Variants in ZFAND3 observed in about 807,000 individuals in gnomAD.
The protein encoded by ZFAND3 is AN1-type zinc finger protein 3.
In ZFAND3, 10 loss-of-function variants were observed where a neutral mutation model predicts 29.6. That is an observed-to-expected ratio of 0.34 (90% confidence interval 0.21 to 0.57). The LOEUF is 0.57. Ranked by LOEUF, ZFAND3 falls within the 20% of genes least tolerant of loss-of-function variation. The pLI is 0.86. For synonymous variants in ZFAND3, 128 were observed against 112.6 expected, an observed-to-expected ratio of 1.14 and a Z score of -0.87; for missense variants, 230 against 304.5, an observed-to-expected ratio of 0.76 and a Z score of 1.82.
intron 5 of ZFAND3, among the ~76,000 whole-genome samples, chr6:38,119,891 A>G (rs779783197): frequency 6.6e-6 from 1 of 152,198 alleles, no homozygotes; most frequent in Non-Finnish European, 1.5e-5. Context: ...AATTGCCAAG[A>G]CACTTCATGG....
At chr6:37,900,029 A>G (rs1027756916) in intron 1 of ZFAND3, among the ~76,000 whole-genome samples, 2 of 152,180 alleles carry the variant, frequency 1.3e-5, no homozygotes, top group Admixed American at 1.3e-4. Context: ...AGATTGTTTT[A>G]TATCAGTATA....
chr6:37,840,103 A>AC (rs542983241), intron 1 of ZFAND3, among the ~76,000 whole-genome samples: 2 of 144,888 alleles, frequency 1.4e-5, no homozygotes, highest in East Asian at 2.0e-4. Flanking sequence ...TTGGTTATCT[A>AC]TTTTTTTTTT....
intron 2 of ZFAND3, among the ~76,000 whole-genome samples, chr6:38,010,786 A>T (rs775340224): frequency 1.3e-5 from 2 of 151,536 alleles, no homozygotes; most frequent in Non-Finnish European, 2.9e-5. Flanking sequence ...TTTTTAGTAG[A>T]GATGGGGTTT....
intron 3 of ZFAND3, among the ~76,000 whole-genome samples, chr6:38,071,911 C>G (rs1490237189): frequency 3.3e-5 from 5 of 152,084 alleles, no homozygotes; most frequent in Non-Finnish European, 7.4e-5. Context: ...TTTTAGAAAC[C>G]TACTTTATGT....
intron 4 of ZFAND3, among the ~76,000 whole-genome samples, chr6:38,087,518 AAC>A (rs904984175): frequency 6.6e-6 from 1 of 152,212 alleles, no homozygotes; most frequent in Non-Finnish European, 1.5e-5. Flanking sequence ...CGATCAAAAA[AAC>A]AGACAGAAGA....
At chr6:37,949,636 C>T (rs888892462) in intron 2 of ZFAND3, among the ~76,000 whole-genome samples, 9 of 152,050 alleles carry the variant, frequency 5.9e-5, no homozygotes, top group Non-Finnish European at 1.2e-4. Context: ...TCTTTGGGTT[C>T]GATTAATTTG....
At chr6:37,906,237 T>A (rs1765405055) in intron 1 of ZFAND3, among the ~76,000 whole-genome samples, 1 of 152,156 alleles carries the variant, frequency 6.6e-6, no homozygotes, top group Non-Finnish European at 1.5e-5. Context: ...GCCACTAATC[T>A]ATTTTTTGTC....
chr6:37,839,683 T>G lies in ZFAND3; in HGVS notation c.71+19667T>G, dbSNP rs1404770879. Among the ~76,000 whole-genome samples the G allele has an allele frequency of 2.0e-5, 3 of 151,638 alleles. No homozygotes were observed. In the East Asian group the frequency reaches 5.8e-4, roughly 29 times the overall value. ...GCGTGTGCCATTACACCTGGGTAAT[T>G]TTTGTATTTTTAGTAGAGACGGGGT... is the stretch of plus-strand genomic sequence containing the variant. On this transcript the variant is annotated intron_variant, in intron 1 of 5. Transcript: ENST00000287218.
At chr6:37,988,638 T>A (rs549714110) in intron 2 of ZFAND3, among the ~76,000 whole-genome samples, 1 of 152,370 alleles carries the variant, frequency 6.6e-6, no homozygotes, top group East Asian at 1.9e-4. Flanking sequence ...GAAGCCAGCC[T>A]CATTCTGAGT....
chr6:38,041,540 T>C (rs1763760459), intron 2 of ZFAND3, among the ~76,000 whole-genome samples: 1 of 151,662 alleles, frequency 6.6e-6, no homozygotes, highest in African/African-American at 2.4e-5. Flanking sequence ...ATTACTATTA[T>C]TGATGCTCAG....
At chr6:38,024,079 G>A (rs1763400982) in intron 2 of ZFAND3, among the ~76,000 whole-genome samples, 1 of 152,160 alleles carries the variant, frequency 6.6e-6, no homozygotes, top group Non-Finnish European at 1.5e-5. Context: ...TTGACCAACT[G>A]TAGAAATCAC....
intron 1 of ZFAND3, chr6:37,915,728 G>A (rs889230839): frequency 6.6e-6 from 1 of 152,180 alleles, no homozygotes; most frequent in African/African-American, 2.4e-5. Flanking sequence ...GGGAGGCTGC[G>A]TTTGCACTCT....
At chr6:37,877,804 A>G (rs1447368481) in intron 1 of ZFAND3, among the ~76,000 whole-genome samples, 1 of 152,054 alleles carries the variant, frequency 6.6e-6, no homozygotes, top group East Asian at 1.9e-4. Context: ...GGAGATGCGG[A>G]GAGAGAATGA....
At chr6:38,109,235 T>C (rs1193523525) in intron 4 of ZFAND3, among the ~76,000 whole-genome samples, 2 of 146,178 alleles carry the variant, frequency 1.4e-5, no homozygotes, top group African/African-American at 5.1e-5. Context: ...GAGGCTGGAG[T>C]GCAATGGCGC....
At chr6:37,902,688 A>G (rs558122457) in intron 1 of ZFAND3, among the ~76,000 whole-genome samples, 1 of 150,394 alleles carries the variant, frequency 6.6e-6, no homozygotes, top group East Asian at 2.0e-4. Flanking sequence ...AATTGAATGT[A>G]GACTTTTTCT....
intron 1 of ZFAND3, among the ~76,000 whole-genome samples, chr6:37,910,196 T>A (rs1285920473): frequency 6.6e-6 from 1 of 152,240 alleles, no homozygotes; most frequent in South Asian, 2.1e-4. Flanking sequence ...CTTACTAGCA[T>A]ATGAACCAAG....
At chr6:38,047,694 T>C (rs1167083985) in intron 2 of ZFAND3, among the ~76,000 whole-genome samples, 3 of 152,190 alleles carry the variant, frequency 2.0e-5, no homozygotes, top group African/African-American at 7.2e-5. Flanking sequence ...TAAGAGCTGT[T>C]AGGTGGTTCC....
At chr6:37,836,635 G>C (rs1370847832) in intron 1 of ZFAND3, among the ~76,000 whole-genome samples, 1 of 152,116 alleles carries the variant, frequency 6.6e-6, no homozygotes, top group Non-Finnish European at 1.5e-5. Flanking sequence ...GGTATGTTTT[G>C]TGAAAAATTG....
At chr6:38,130,929 G>A (rs1209837951) in intron 5 of ZFAND3, among the ~76,000 whole-genome samples, 1 of 152,052 alleles carries the variant, frequency 6.6e-6, no homozygotes, top group Non-Finnish European at 1.5e-5. Flanking sequence ...CTGTGAATCC[G>A]TCTGGTCTTG....
Sources: allele counts gnomAD v4.1 joint callset (sites outside exome capture counted in the v4.1 genomes callset), GRCh38; gene constraint gnomAD v4.1.1; transcripts MANE v1.5; gene names NCBI Gene and HGNC (gene_info 2026-07-23, HGNC 2026-07-21).